The following GBE1 variants were observed in gnomAD, a reference collection of about 807,000 sequenced individuals.
GBE1 encodes the protein 1,4-alpha-glucan branching enzyme 1.
Under a neutral mutation model 88.8 loss-of-function variants are expected in GBE1, and 70 were observed. That is an observed-to-expected ratio of 0.79 (90% confidence interval 0.65 to 0.96). GBE1 has a LOEUF of 0.96. GBE1 is among the 40% of genes least tolerant of loss of function. The probability of loss-of-function intolerance (pLI) is 0.00; values close to 1 mark genes in which losing one functional copy is unlikely to be tolerated. For missense variants in GBE1, 872 were observed against 871.0 expected, an observed-to-expected ratio of 1.00 and a Z score of -0.01; for synonymous variants, 284 against 300.1, an observed-to-expected ratio of 0.95 and a Z score of 0.56.
chr3:81,748,650 C>A (rs950289381), intron 1 of GBE1, among the ~76,000 whole-genome samples: 1 of 151,680 alleles, frequency 6.6e-6, no homozygotes, highest in African/African-American at 2.4e-5. Flanking sequence ...AATGATAATA[C>A]CAAATGTTGG....
chr3:81,683,537 A>T (rs1705389423), intron 2 of GBE1, among the ~76,000 whole-genome samples: 1 of 152,218 alleles, frequency 6.6e-6, no homozygotes, highest in East Asian at 1.9e-4. Context: ...AAAGCTATAA[A>T]CAACAGGCTT....
In GBE1 at chr3:81,564,571, C is replaced by T. The variant is rs188544951; in HGVS notation, c.1618+13354G>A. 2.4e-3 allele frequency among the ~76,000 whole-genome samples: 359 copies of T among 152,074 alleles called. 3 individuals are homozygous for T. Among genetic ancestry groups the T allele is most frequent in the African/African-American group, 8.1e-3 (336 of 41,476 alleles). On this transcript the variant is annotated intron_variant, in intron 12 of 15. Transcript: ENST00000429644. ...ATATTTGTAAAAGATTTTCTGTATT[C>T]AGTTTGGTAAATGTGGGTGGGTAGA...
chr3:81,591,942 T>C (rs1416603981), intron 8 of GBE1, among the ~76,000 whole-genome samples: 1 of 152,152 alleles, frequency 6.6e-6, no homozygotes, highest in East Asian at 1.9e-4. Context: ...TTCATGTTTA[T>C]ATTTCAGCAG....
intron 12 of GBE1, among the ~76,000 whole-genome samples, chr3:81,559,851 G>C (rs1348523392): frequency 6.6e-6 from 1 of 151,946 alleles, no homozygotes; most frequent in African/African-American, 2.4e-5. Context: ...AATGACTAAT[G>C]AATAACAAAA....
In GBE1 at chr3:81,529,954, C is replaced by T. The variant is rs561562340; in HGVS notation, c.1934+5241G>A. 3.9e-5 allele frequency among the ~76,000 whole-genome samples: 6 copies of T among 152,026 alleles called. No homozygotes were observed. In the South Asian group the frequency reaches 1.0e-3, roughly 26 times the overall value. ...TCTCTCTCTCCATCCTCTTTAAGGC[C>T]AATCACTTTTAGATTTGCTTTTTTG... On this transcript the variant is annotated intron_variant, in intron 14 of 15. Transcript: ENST00000429644.
chr3:81,516,069 T>C (rs9842657), intron 14 of GBE1, among the ~76,000 whole-genome samples: 1 of 151,624 alleles, frequency 6.6e-6, no homozygotes, highest in Non-Finnish European at 1.5e-5. Context: ...AGCTAGGATA[T>C]TGATAAACGT....
rs757815784 is a variant in GBE1 at position 81,499,158 on chromosome 3, G to T, written c.2004C>A (p.Asp668Glu). ...GGHQRLDHST[D>E]FFSEAFEHNG... is the part of the protein sequence containing the mutation. ...TATGTTCAAAAGCCTCAGAAAAAAA[G>T]TCAGTGCTGTGGTCCAGTCTCTGAT... Residue 668 changes from aspartate (D) to glutamate (E), a missense_variant, in exon 15 of 16, where the codon GAC (aspartate) becomes GAA (glutamate). Physicochemically the swap from Asp to Glu is conservative, Grantham distance 45. Transcript: ENST00000429644. The T allele has an allele frequency of 2.0e-5, 32 of 1,612,006 alleles. No individual in the cohort carries two copies. Among genetic ancestry groups the T allele is most frequent in the Non-Finnish European group, 2.6e-5 (31 of 1,178,894 alleles).
intron 1 of GBE1, among the ~76,000 whole-genome samples, chr3:81,715,398 C>G (rs1310065935): frequency 6.6e-6 from 1 of 152,176 alleles, no homozygotes; most frequent in African/African-American, 2.4e-5. Context: ...GTGCAAACTA[C>G]TCCTAACTGA....
At chr3:81,617,898 T>C (rs1201814583) in intron 7 of GBE1, among the ~76,000 whole-genome samples, 4 of 152,032 alleles carry the variant, frequency 2.6e-5, no homozygotes, top group African/African-American at 4.8e-5. Flanking sequence ...ATTTTATTAA[T>C]AGTTACAGGG....
rs550193682 is a variant in GBE1, at chr3:81,535,099, A to G, written c.1934+96T>C. ...GATGAGGAAAATGAATGTTTCTGTC[A>G]TCAAGATCAACCTTAGTCTTTTTTT... On this transcript the variant is annotated intron_variant, in intron 14 of 15. Coordinates refer to ENST00000429644, the MANE Select transcript of GBE1 (RefSeq NM_000158.4). 27 of 1,131,596 alleles carry G rather than the reference A, an allele frequency of 2.4e-5. No individual in the cohort carries two copies. The African/African-American group carries it at 4.0e-4, about 17-fold the overall frequency. The allele number at this position is 1,131,596 out of a possible 1,614,324, so 70.1% of individuals were successfully genotyped here.
At chr3:81,543,393 C>T (rs1044127533) in intron 12 of GBE1, among the ~76,000 whole-genome samples, 2 of 152,074 alleles carry the variant, frequency 1.3e-5, no homozygotes, top group East Asian at 3.9e-4. Context: ...TTAATGTAGA[C>T]AAACGCAACA....
At chr3:81,757,344 T>C (rs1285468933) in intron 1 of GBE1, among the ~76,000 whole-genome samples, 2 of 152,142 alleles carry the variant, frequency 1.3e-5, no homozygotes, top group African/African-American at 2.4e-5. Flanking sequence ...AAATGAGGAA[T>C]GGTTGAAAGG....
At chr3:81,512,498 G>A (rs1193570121) in intron 14 of GBE1, among the ~76,000 whole-genome samples, 1 of 151,690 alleles carries the variant, frequency 6.6e-6, no homozygotes, top group Non-Finnish European at 1.5e-5. Flanking sequence ...TTTAGTCAAA[G>A]GCATCATTAA....
chr3:81,695,899 A>C (rs1705584309), intron 2 of GBE1, among the ~76,000 whole-genome samples: 1 of 152,218 alleles, frequency 6.6e-6, no homozygotes, highest in Admixed American at 6.5e-5. Context: ...CAAGCAAGTA[A>C]GATGGCTAAG....
At chr3:81,497,748 G>T (rs1260801396) in intron 15 of GBE1, among the ~76,000 whole-genome samples, 1 of 152,110 alleles carries the variant, frequency 6.6e-6, no homozygotes, top group Non-Finnish European at 1.5e-5. Flanking sequence ...CAGTTTGCTT[G>T]CAATCAGTTG....
intron 2 of GBE1, among the ~76,000 whole-genome samples, chr3:81,702,373 A>G (rs1705711679): frequency 1.3e-5 from 2 of 152,024 alleles, no homozygotes; most frequent in African/African-American, 4.8e-5. Context: ...AGTGAAAAAA[A>G]GTTGAGATCC....
intron 1 of GBE1, among the ~76,000 whole-genome samples, chr3:81,756,133 C>T (rs1240218858): frequency 2.0e-5 from 3 of 152,140 alleles, no homozygotes; most frequent in Non-Finnish European, 4.4e-5. Context: ...AACTTGACAT[C>T]AGATTCTCTC....
chr3:81,674,751 G>T (rs1212756073), intron 2 of GBE1, among the ~76,000 whole-genome samples: 1 of 151,790 alleles, frequency 6.6e-6, no homozygotes, highest in Non-Finnish European at 1.5e-5. Flanking sequence ...AAAAAAATCA[G>T]GTTACTCAAA....
Position 81,566,891 on chromosome 3 carries a change from C to T in GBE1, c.1618+11034G>A, listed in dbSNP as rs150523260. Among the ~76,000 whole-genome samples the T allele has an allele frequency of 2.6e-3, 403 of 152,234 alleles. 1 individual carries two copies. Among genetic ancestry groups the T allele is most frequent in the South Asian group, 5.6e-3 (27 of 4,822 alleles). ...CCCTTTCCCTTCTATGTTGATCTTG[C>T]TCTCACCACGGAATCATCCCCTTTG... On this transcript the variant is annotated intron_variant, in intron 12 of 15. Transcript: ENST00000429644.
Sources: gnomAD v4.1 joint callset for allele counts (sites outside exome capture counted in the v4.1 genomes callset) on GRCh38, gnomAD v4.1.1 for gene constraint, MANE v1.5 for transcripts, NCBI Gene and HGNC (gene_info 2026-07-23, HGNC 2026-07-21) for gene names.